Variants in IARS2 observed in about 807,000 individuals in gnomAD.
The protein encoded by IARS2 is isoleucyl-tRNA synthetase 2, mitochondrial, also known as isoleucine--tRNA ligase, mitochondrial.
A neutral mutation model predicts 126.3 loss-of-function variants in IARS2; 56 were observed. The observed-to-expected ratio is 0.44, with a 90% CI of 0.36 to 0.55. IARS2 has a LOEUF of 0.55. Ranked by LOEUF, IARS2 falls within the 20% of genes least tolerant of loss-of-function variation. IARS2 has a pLI of 0.00. For missense variants in IARS2, 1,127 were observed against 1,245.9 expected (o/e 0.90, Z 1.44); for synonymous variants, 407 against 441.1 (o/e 0.92, Z 0.97).
In IARS2 at chr1:220,094,448, C is replaced by A; in HGVS notation, c.232C>A (p.Arg78Ser). Residue 78 changes from arginine (R) to serine (S), a missense_variant, in exon 1 of 23, where the codon CGC (arginine) becomes AGC (serine). Arg to Ser is a moderately radical substitution (Grantham distance 110). Coordinates refer to ENST00000366922, the MANE Select transcript of IARS2 (RefSeq NM_018060.4). ...QTSFPMKLLGRQQPDTELEIQ... is the reference protein window; with the variant it reads ...QTSFPMKLLGSQQPDTELEIQ... ...GAGCTTCCCCATGAAGCTGCTGGGC[C>A]GCCAGCAGCCGGACACGGAGCTGGA... 2 of 1,610,558 alleles carry A rather than the reference C, an allele frequency of 1.2e-6. No homozygotes were observed. Among genetic ancestry groups the A allele is most frequent in the Non-Finnish European group, 1.7e-6 (2 of 1,178,868 alleles).
chr1:220,126,926 T>A (rs1657167605), intron 14 of IARS2, 83 bp downstream of exon 14: 1 of 951,762 alleles, frequency 1.1e-6, no homozygotes, highest in Non-Finnish European at 1.6e-6. Flanking sequence ...ATAATCAAAC[T>A]CTTTTTCTGT....
intron 12 of IARS2, among the ~76,000 whole-genome samples, chr1:220,121,761 G>A (rs1325683512): frequency 1.3e-5 from 2 of 152,098 alleles, no homozygotes; most frequent in Non-Finnish European, 2.9e-5. Context: ...ATGAAAAAGA[G>A]CTTAGTTTTA....
At position 220,145,664 on chromosome 1, in the gene IARS2, G is replaced by A. The variant is rs1657571776; in HGVS notation, c.2896+11G>A. The A allele has an allele frequency of 6.2e-7, 1 of 1,604,428 alleles. No homozygotes were observed. The highest frequency in any genetic ancestry group is 1.7e-5 in the Admixed American group (1 of 59,036). ...TCATCAACTTAGAAGGTAAGAAGGAGATGAAAGTAACAAGTAACATCTGGA... is the reference window on the plus strand; with the variant it reads ...TCATCAACTTAGAAGGTAAGAAGGAAATGAAAGTAACAAGTAACATCTGGA... On this transcript the variant is annotated intron_variant, in intron 22 of 22. Coordinates refer to ENST00000366922, the MANE Select transcript of IARS2 (RefSeq NM_018060.4).
Position 220,134,473 on chromosome 1 carries a change from TTA to T in IARS2, c.1910_1911del (p.Leu637TyrfsTer12). Reference protein sequence around the residue: ...QLGGWFQSSLLTSVAARKRAP... With the variant: ...QLGGWFQSSLXTSVAARKRAP... The stretch of plus-strand genomic sequence containing the variant: ...CGGGGGTTGGTTTCAGTCATCCTTA[TTA>T]ACAAGTGTGGCAGCAAGGAAGAGAG... On this transcript the variant is annotated frameshift_variant, in exon 15 of 23. Transcript: ENST00000366922. LOFTEE classifies it high-confidence loss of function. 1 of 1,613,590 alleles carries T rather than the reference TTA, an allele frequency of 6.2e-7. No individual in the cohort carries two copies. Among genetic ancestry groups the T allele is most frequent in the Non-Finnish European group, 8.5e-7 (1 of 1,179,794 alleles).
chr1:220,131,302 G>A (rs977143193), intron 14 of IARS2, among the ~76,000 whole-genome samples: 6 of 151,656 alleles, frequency 4.0e-5, no homozygotes, highest in Admixed American at 1.3e-4. Flanking sequence ...TGAGCCTCCA[G>A]AGTAGCTGGG....
chr1:220,109,181 A>G (rs1656749494), intron 10 of IARS2, among the ~76,000 whole-genome samples: 1 of 151,970 alleles, frequency 6.6e-6, no homozygotes, highest in African/African-American at 2.4e-5. Context: ...CGGACATATC[A>G]CGAGGTCAGG....
chr1:220,094,421 A>G lies in IARS2; in HGVS notation c.205A>G (p.Thr69Ala). ...RYRDTVLLPQTSFPMKLLGRQ... is the reference protein window; with the variant it reads ...RYRDTVLLPQASFPMKLLGRQ... ...CCGGGACACGGTGCTGCTGCCGCAG[A>G]CGAGCTTCCCCATGAAGCTGCTGGG... The change falls in exon 1 of 23, where the codon ACG becomes GCG. Residue 69 changes from threonine (T) to alanine (A), a missense_variant. Transcript: ENST00000366922. 3 of 1,611,924 alleles carry G rather than the reference A, an allele frequency of 1.9e-6. No individual in the cohort carries two copies. Among genetic ancestry groups the G allele is most frequent in the Non-Finnish European group, 2.5e-6 (3 of 1,179,474 alleles).
At position 220,106,795 on chromosome 1, in the gene IARS2, G is replaced by A. The variant is rs550324760; in HGVS notation, c.1237-266G>A. Among the ~76,000 whole-genome samples the A allele has an allele frequency of 1.7e-3, 263 of 151,894 alleles. 1 individual carries two copies. The highest frequency in any genetic ancestry group is 6.2e-3 in the African/African-American group (256 of 41,430). ...CTACAGGTGCACACCACCATGCCTG[G>A]CTAATTTTTGTATTTTTAGTGGAAG... On this transcript the variant is annotated intron_variant, in intron 9 of 22. Coordinates refer to ENST00000366922, the MANE Select transcript of IARS2 (RefSeq NM_018060.4).
rs768954875 is a variant in IARS2 at position 220,147,651 on chromosome 1, C to T, written c.*16C>T. ...TGGAAAATAGTATTAACAGCTCACT[C>T]GAGCAAGAACCCTCCTGACAGTACT... On this transcript the variant is annotated 3_prime_UTR_variant, in exon 23 of 23. Coordinates refer to ENST00000366922, the MANE Select transcript of IARS2 (RefSeq NM_018060.4). 1.2e-5 allele frequency: 19 copies of T among 1,612,834 alleles called. No individual in the cohort carries two copies. In the Admixed American group the frequency reaches 2.2e-4, roughly 18 times the overall value.
chr1:220,122,060 C>T (rs1484315125), intron 12 of IARS2, among the ~76,000 whole-genome samples: 1 of 152,100 alleles, frequency 6.6e-6, no homozygotes, highest in East Asian at 1.9e-4. Context: ...CACTGCAATC[C>T]AGCTTGGGCC....
chr1:220,121,191 A>G (rs1292344360), intron 12 of IARS2, among the ~76,000 whole-genome samples: 1 of 152,176 alleles, frequency 6.6e-6, no homozygotes, highest in Non-Finnish European at 1.5e-5. Flanking sequence ...TCATTGATGT[A>G]GCTAATGTGT....
chr1:220,098,170 A>G (rs973953972), intron 2 of IARS2, among the ~76,000 whole-genome samples: 2 of 152,240 alleles, frequency 1.3e-5, no homozygotes, highest in African/African-American at 4.8e-5. Flanking sequence ...TACAGGCGTG[A>G]GCCACTGCAC....
chr1:220,141,963 A>C lies in IARS2; in HGVS notation c.2560+15A>C, dbSNP rs201070334. 190 of 1,608,002 alleles carry C rather than the reference A, an allele frequency of 1.2e-4. No homozygotes were observed. Among genetic ancestry groups the C allele is most frequent in the Non-Finnish European group, 1.6e-4 (187 of 1,177,312 alleles). ...TTATATTAAAGGTAAGGAATACTTC[A>C]TTTATTCTCTTAATGAGAAATATCC... On this transcript the variant is annotated intron_variant, in intron 20 of 22. Transcript: ENST00000366922.
At chr1:220,139,329 A>G (rs1274970937) in intron 18 of IARS2, among the ~76,000 whole-genome samples, 190 bp downstream of exon 18, 1 of 152,230 alleles carries the variant, frequency 6.6e-6, no homozygotes. Flanking sequence ...TTCCAACAAG[A>G]AGGAATAAAG....
In IARS2 at chr1:220,110,776, T is replaced by C; in HGVS notation, c.1328-10T>C. The C allele has an allele frequency of 6.4e-7, 1 of 1,572,152 alleles. No individual in the cohort carries two copies. The highest frequency in any genetic ancestry group is 8.6e-7 in the Non-Finnish European group (1 of 1,159,182). On this transcript the variant is annotated splice_polypyrimidine_tract_variant and intron_variant, in intron 10 of 22. Transcript: ENST00000366922. ...TAATTATGTCTAATTTGGTGTTTTT[T>C]TTTTTAAAGTTATAAAGATGCTTCA...
intron 11 of IARS2, among the ~76,000 whole-genome samples, chr1:220,112,778 C>T (rs932223018): frequency 5.3e-5 from 8 of 151,938 alleles, no homozygotes; most frequent in Admixed American, 1.3e-4. Context: ...CGGTTGGTGT[C>T]GAACTCCTGA....
Position 220,103,568 on chromosome 1 carries a change from G to A in IARS2, c.1066+6G>A, listed in dbSNP as rs1185924509. 3 of 1,522,512 alleles carry A rather than the reference G, an allele frequency of 2.0e-6. No individual in the cohort carries two copies. The Admixed American group carries it at 5.0e-5, about 25-fold the overall frequency. 94.3% of individuals were successfully genotyped at this position (1,522,512 alleles called of 1,614,324 possible). ...GACTATTTCAACACTTTCAGGTGAA[G>A]ATTTTTAGATATCTGACAACATAGT... On this transcript the variant is annotated splice_donor_region_variant and intron_variant, in intron 8 of 22. Coordinates refer to ENST00000366922, the MANE Select transcript of IARS2 (RefSeq NM_018060.4).
At chr1:220,131,793 ATTTTTTT>A (rs34917733) in intron 14 of IARS2, among the ~76,000 whole-genome samples, 6 of 120,594 alleles carry the variant, frequency 5.0e-5, no homozygotes, top group South Asian at 2.7e-4. Flanking sequence ...GCCACGTTGA[ATTTTTTT>A]TTTTTTTTTT....
chr1:220,102,641 T>C (rs924595832), intron 6 of IARS2, 37 bp downstream of exon 6: 2 of 1,587,714 alleles, frequency 1.3e-6, no homozygotes, highest in African/African-American at 1.3e-5. Context: ...ACCAAAGTTA[T>C]AGAATTATCC....
Sources: allele counts gnomAD v4.1 joint callset (sites outside exome capture counted in the v4.1 genomes callset), GRCh38; gene constraint gnomAD v4.1.1; transcripts MANE v1.5; gene names NCBI Gene and HGNC (gene_info 2026-07-23, HGNC 2026-07-21).